Variants in SVIL observed in about 807,000 individuals in gnomAD.
SVIL encodes the protein supervillin, also known as archvillin.
In SVIL, 101 loss-of-function variants were observed where a neutral mutation model predicts 240.4. The ratio of observed to expected loss-of-function variants is 0.42; its 90% CI spans 0.36 to 0.50. The LOEUF is 0.50. Ranked by LOEUF, SVIL falls within the 20% of genes least tolerant of loss-of-function variation. SVIL has a pLI of 0.01. For missense variants in SVIL, 2,512 were observed against 2,818.7 expected, an observed-to-expected ratio of 0.89 and a Z score of 2.46; for synonymous variants, 999 against 1,100.0, an observed-to-expected ratio of 0.91 and a Z score of 1.82.
chr10:29,473,184 G>C (rs66539409), intron 30 of SVIL, among the ~76,000 whole-genome samples: 14,435 of 152,066 alleles, frequency 0.095, 863 homozygotes, highest in Non-Finnish European at 0.13. Context: ...AGGTGCTGGA[G>C]CCCTGGGAAG....
In SVIL at chr10:29,719,841, C is replaced by T. The variant is rs1015534928; in HGVS notation, c.-400+15910G>A. ...GAGCTGTGGAGACAACTTTAAGCAG[C>T]CTAAACACATGTAATTGGATTCCAC... On this transcript the variant is annotated intron_variant, in intron 1 of 35. Coordinates refer to the SVIL transcript ENST00000375400. Among the ~76,000 whole-genome samples, 9 of 152,022 alleles carry T rather than the reference C, an allele frequency of 5.9e-5. No homozygotes were observed. In the East Asian group the frequency reaches 1.7e-3, roughly 29 times the overall value.
chr10:29,670,366 A>T (rs1375662227), intron 2 of SVIL, among the ~76,000 whole-genome samples: 1 of 152,236 alleles, frequency 6.6e-6, no homozygotes, highest in Non-Finnish European at 1.5e-5. Flanking sequence ...AAAAGCTTCA[A>T]AGCTTTATAA....
chr10:29,715,875 C>A (rs1218425008), intron 1 of SVIL, among the ~76,000 whole-genome samples: 1 of 152,190 alleles, frequency 6.6e-6, no homozygotes, highest in African/African-American at 2.4e-5. Context: ...AATACAAGAA[C>A]CAATGGGCAC....
chr10:29,631,279 G>C (rs1958079308), intron 1 of SVIL, among the ~76,000 whole-genome samples: 1 of 152,228 alleles, frequency 6.6e-6, no homozygotes, highest in Non-Finnish European at 1.5e-5. Context: ...TCATTCTGTG[G>C]CTAGACCAGA....
intron 3 of SVIL, among the ~76,000 whole-genome samples, chr10:29,653,223 G>A (rs1052060104): frequency 3.9e-5 from 6 of 152,070 alleles, no homozygotes; most frequent in South Asian, 4.1e-4. Flanking sequence ...TGATTGGATC[G>A]TGGGGGCAAA....
At position 29,486,078 on chromosome 10, in the gene SVIL, A is replaced by G. The variant is rs765727453; in HGVS notation, c.4779+7T>C. On this transcript the variant is annotated splice_region_variant and intron_variant, in intron 26 of 37. Transcript: ENST00000355867. ...TCTCACTGAAGGGCAGAGCCCACGG[A>G]CTGTACCTCTTTGGGTTGCAGAAGG... 12 of 1,614,104 alleles carry G rather than the reference A, an allele frequency of 7.4e-6. No homozygotes were observed. The Admixed American group carries it at 1.7e-4, about 22-fold the overall frequency.
At chr10:29,460,741 GA>G (rs1944155992) in intron 36 of SVIL, among the ~76,000 whole-genome samples, 1 of 152,024 alleles carries the variant, frequency 6.6e-6, no homozygotes, top group African/African-American at 2.4e-5. Context: ...AAACCTCATT[GA>G]AAATACAAAA....
intron 17 of SVIL, among the ~76,000 whole-genome samples, chr10:29,510,440 G>T (rs1268983652): frequency 1.3e-5 from 2 of 151,204 alleles, no homozygotes; most frequent in Admixed American, 6.6e-5. Flanking sequence ...GCAATGGAAG[G>T]AACTTCTAGA....
rs372403292 is a variant in SVIL, at chr10:29,486,075, C to G, written c.4779+10G>C. 1 of 1,614,022 alleles carries G rather than the reference C, an allele frequency of 6.2e-7. No homozygotes were observed. The highest frequency in any genetic ancestry group is 1.1e-5 in the South Asian group (1 of 91,086). ...GTTTCTCACTGAAGGGCAGAGCCCA[C>G]GGACTGTACCTCTTTGGGTTGCAGA... On this transcript the variant is annotated intron_variant, in intron 26 of 37. Coordinates refer to ENST00000355867, the MANE Select transcript of SVIL (RefSeq NM_021738.3).
rs536072862 is a variant in SVIL, at chr10:29,615,224, T to C, written c.-201+19196A>G. Among the ~76,000 whole-genome samples, 37 of 152,344 alleles carry C rather than the reference T, an allele frequency of 2.4e-4. No homozygotes were observed. The South Asian group carries it at 7.5e-3, about 31-fold the overall frequency. On this transcript the variant is annotated intron_variant, in intron 1 of 37. Transcript: ENST00000355867. ...AAACTATCATATCACAATCGAAGGA[T>C]TGATCTTATCTCATTTGCTTTAGCT...
intron 17 of SVIL, among the ~76,000 whole-genome samples, chr10:29,503,432 C>A (rs1056374592): frequency 2.0e-5 from 3 of 152,194 alleles, no homozygotes; most frequent in Non-Finnish European, 4.4e-5. Flanking sequence ...GACACAGAGA[C>A]AAACAGTCCA....
intron 1 of SVIL, among the ~76,000 whole-genome samples, chr10:29,584,410 CT>C (rs1439329068): frequency 6.6e-6 from 1 of 152,178 alleles, no homozygotes; most frequent in East Asian, 1.9e-4. Context: ...AGCAGCTTCC[CT>C]GCCCTGCTGC....
chr10:29,629,515 G>T, intron 1 of SVIL, among the ~76,000 whole-genome samples: 1 of 152,126 alleles, frequency 6.6e-6, no homozygotes, highest in Non-Finnish European at 1.5e-5. Flanking sequence ...GGCTGCACTG[G>T]CTAAAGCAGC....
At chr10:29,614,378 A>G (rs1234676828) in intron 1 of SVIL, among the ~76,000 whole-genome samples, 1 of 152,226 alleles carries the variant, frequency 6.6e-6, no homozygotes, top group Non-Finnish European at 1.5e-5. Context: ...TTACTGCAGC[A>G]CTGTTCACAA....
chr10:29,506,654 C>CTTA (rs1489068312), intron 17 of SVIL, among the ~76,000 whole-genome samples: 15 of 149,188 alleles, frequency 1.0e-4, no homozygotes, highest in African/African-American at 3.8e-4. Context: ...GGACAGAGGC[C>CTTA]CTGGAGGGAG....
chr10:29,650,359 T>C (rs1339630138), intron 3 of SVIL, among the ~76,000 whole-genome samples: 1 of 152,174 alleles, frequency 6.6e-6, no homozygotes, highest in East Asian at 1.9e-4. Context: ...AATGCACTTT[T>C]GAGGTTTCTG....
intron 2 of SVIL, among the ~76,000 whole-genome samples, chr10:29,671,699 A>G (rs949799489): frequency 4.6e-5 from 7 of 152,210 alleles, no homozygotes; most frequent in Admixed American, 2.0e-4. Context: ...TATTTACCTT[A>G]TTTCTTTCCA....
chr10:29,585,340 G>C (rs1956122176), intron 1 of SVIL, among the ~76,000 whole-genome samples: 1 of 151,998 alleles, frequency 6.6e-6, no homozygotes, highest in Admixed American at 6.6e-5. Flanking sequence ...GATATTACAG[G>C]AGTGTGTCAC....
intron 1 of SVIL, among the ~76,000 whole-genome samples, chr10:29,715,526 G>C (rs1027189327): frequency 1.3e-5 from 2 of 152,218 alleles, no homozygotes; most frequent in Non-Finnish European, 2.9e-5. Context: ...CATGGGAAGA[G>C]GAAGAGTAGC....
Sources: gnomAD v4.1 joint callset for allele counts (sites outside exome capture counted in the v4.1 genomes callset) on GRCh38, gnomAD v4.1.1 for gene constraint, MANE v1.5 for transcripts, NCBI Gene and HGNC (gene_info 2026-07-23, HGNC 2026-07-21) for gene names.